Variants in MARCHF11 observed in about 807,000 individuals in gnomAD.
MARCHF11 encodes membrane associated ring-CH-type finger 11, also known as E3 ubiquitin-protein ligase MARCHF11.
A neutral mutation model predicts 37.3 loss-of-function variants in MARCHF11; 29 were observed. The observed-to-expected ratio is 0.78, with a 90% CI of 0.58 to 1.06. The LOEUF (loss-of-function observed/expected upper bound fraction) is 1.06, where lower values mean the gene tolerates loss of function less well. Among genes scored for constraint, MARCHF11 ranks in the 50% least tolerant of loss-of-function variants. The probability of loss-of-function intolerance (pLI) is 0.00; values close to 1 mark genes in which losing one functional copy is unlikely to be tolerated. For missense variants in MARCHF11, 482 were observed against 533.4 expected, an observed-to-expected ratio of 0.90 and a Z score of 0.95; for synonymous variants, 233 against 228.0, an observed-to-expected ratio of 1.02 and a Z score of -0.20.
intron 2 of MARCHF11, among the ~76,000 whole-genome samples, chr5:16,110,997 G>C (rs542931679): frequency 6.6e-6 from 1 of 152,112 alleles, no homozygotes; most frequent in South Asian, 2.1e-4. Flanking sequence ...CTTTCACTTG[G>C]TTCTCATTCT....
At chr5:16,140,181 GC>G (rs1221298163) in intron 2 of MARCHF11, among the ~76,000 whole-genome samples, 7 of 151,952 alleles carry the variant, frequency 4.6e-5, no homozygotes, top group African/African-American at 1.7e-4. Flanking sequence ...AAAATTCACA[GC>G]CTAAACTACT....
At chr5:16,073,907 A>C (rs1736475442) in intron 3 of MARCHF11, among the ~76,000 whole-genome samples, 1 of 152,202 alleles carries the variant, frequency 6.6e-6, no homozygotes, top group Non-Finnish European at 1.5e-5. Flanking sequence ...GACTTAATAG[A>C]TATTTCCAGA....
In MARCHF11 at chr5:16,179,454, G is replaced by T. The variant is rs1399614173; in HGVS notation, c.122C>A (p.Pro41Gln). 5 of 1,117,898 alleles carry T rather than the reference G, an allele frequency of 4.5e-6. No individual in the cohort carries two copies. In the East Asian group the frequency reaches 2.5e-4, roughly 56 times the overall value. The allele number at this position is 1,117,898 out of a possible 1,614,324, so 69.2% of individuals were successfully genotyped here. ...CAGGTAGCGCGGGGCCGCGGGGACC[G>T]GGGCCGGCTCTCCCGGCGGCGGCGT... ...PPTPPPGEPA[P>Q]VPAAPRYLPP... The change falls in exon 1 of 4, where the codon CCG becomes CAG. Residue 41 changes from proline (P) to glutamine (Q), a missense_variant. By Grantham distance (76) the Pro-to-Gln change is moderately conservative. Coordinates refer to ENST00000332432, the MANE Select transcript of MARCHF11 (RefSeq NM_001102562.3).
At chr5:16,125,313 T>C (rs1024453642) in intron 2 of MARCHF11, among the ~76,000 whole-genome samples, 2 of 141,994 alleles carry the variant, frequency 1.4e-5, no homozygotes, top group African/African-American at 2.5e-5. Flanking sequence ...AAAGCTGCTG[T>C]GGTATGAATT....
rs530002841 is a variant in MARCHF11, at chr5:16,117,715, C to A, written c.694-26634G>T. On this transcript the variant is annotated intron_variant, in intron 2 of 3. Transcript: ENST00000332432. ...ACAAGCCTGGGCAACATAGCAAGAC[C>A]CAATCTCAAAAAAAGGCAAAAACAA... 4.6e-5 allele frequency among the ~76,000 whole-genome samples: 7 copies of A among 152,124 alleles called. No individual in the cohort carries two copies. The East Asian group carries it at 1.4e-3, about 29-fold the overall frequency.
intron 3 of MARCHF11, among the ~76,000 whole-genome samples, chr5:16,069,626 G>A (rs1309103227): frequency 1.3e-5 from 2 of 152,022 alleles, no homozygotes; most frequent in African/African-American, 2.4e-5. Flanking sequence ...AGTAAGGATA[G>A]GATAGAGAAA....
At position 16,179,096 on chromosome 5, in the gene MARCHF11, C is replaced by T. The variant is rs1738418267; in HGVS notation, c.480G>A (p.Gly160=). The change falls in exon 1 of 4, where the codon GGG becomes GGA. Residue 160 remains glycine, a synonymous_variant. Transcript: ENST00000332432. ...TGGGCTGGTGGTGCTGGTGCTGGTG[C>T]CCAGCGCGCTGGTCGCCGCCGCCAC... ...SSSGGGDQRA[G]HQHQHHQPIC... 8 of 1,494,880 alleles carry T rather than the reference C, an allele frequency of 5.4e-6. No individual in the cohort carries two copies. Among genetic ancestry groups the T allele is most frequent in the South Asian group, 1.2e-5 (1 of 81,432 alleles). The allele number at this position is 1,494,880 out of a possible 1,614,324, so 92.6% of individuals were successfully genotyped here. A position where few individuals can be genotyped will look rare whatever the true frequency, so the allele number is the denominator to read the frequency against.
chr5:16,076,565 C>T lies in MARCHF11; in HGVS notation c.887-8772G>A, dbSNP rs1477962701. On this transcript the variant is annotated intron_variant, in intron 3 of 3. Transcript: ENST00000332432. The stretch of plus-strand genomic sequence containing the variant: ...CTCAATTCTTGGACAGATGAAACAC[C>T]TTGCAGCAAAGGGGGAGCATCATAT... Among the ~76,000 whole-genome samples the T allele has an allele frequency of 4.6e-5, 7 of 152,216 alleles. No individual in the cohort carries two copies. In the East Asian group the frequency reaches 1.2e-3, roughly 25 times the overall value.
intron 3 of MARCHF11, among the ~76,000 whole-genome samples, chr5:16,076,364 A>G (rs959634780): frequency 6.6e-6 from 1 of 152,190 alleles, no homozygotes; most frequent in East Asian, 1.9e-4. Flanking sequence ...TTTCTTCCCT[A>G]CAGTGCTCAA....
chr5:16,090,824 A>C lies in MARCHF11; in HGVS notation c.886+65T>G. 4.7e-6 allele frequency: 6 copies of C among 1,280,194 alleles called. No homozygotes were observed. In the South Asian group the frequency reaches 1.3e-4, roughly 27 times the overall value. 79.3% of individuals were successfully genotyped at this position (1,280,194 alleles called of 1,614,324 possible). On this transcript the variant is annotated intron_variant, in intron 3 of 3. Coordinates refer to ENST00000332432, the MANE Select transcript of MARCHF11 (RefSeq NM_001102562.3). ...CATTCTCTATTAGATCCGAATGGTG[A>C]AAACGTAATCGCTGAAAGAAATGGA...
At position 16,117,661 on chromosome 5, in the gene MARCHF11, G is replaced by A. The variant is rs562502796; in HGVS notation, c.694-26580C>T. Among the ~76,000 whole-genome samples the A allele has an allele frequency of 8.5e-5, 13 of 152,290 alleles. No homozygotes were observed. In the East Asian group the frequency reaches 2.5e-3, roughly 29 times the overall value. The stretch of plus-strand genomic sequence containing the variant: ...CCCAGCTACGCAGGAGGCCAAGGTG[G>A]GAGGATGGCTTGAGCCCAGGAGATT... On this transcript the variant is annotated intron_variant, in intron 2 of 3. Coordinates refer to ENST00000332432, the MANE Select transcript of MARCHF11 (RefSeq NM_001102562.3).
chr5:16,070,880 C>A (rs1736424650), intron 3 of MARCHF11, among the ~76,000 whole-genome samples: 1 of 152,202 alleles, frequency 6.6e-6, no homozygotes, highest in South Asian at 2.1e-4. Flanking sequence ...CCTCTGCAAG[C>A]TCAGATTTTA....
chr5:16,089,673 T>C (rs1736760230), intron 3 of MARCHF11, among the ~76,000 whole-genome samples: 1 of 151,984 alleles, frequency 6.6e-6, no homozygotes, highest in Non-Finnish European at 1.5e-5. Flanking sequence ...AATGACTGAA[T>C]ATATTAAAAT....
At chr5:16,159,888 A>G (rs1267552889) in intron 2 of MARCHF11, among the ~76,000 whole-genome samples, 1 of 151,974 alleles carries the variant, frequency 6.6e-6, no homozygotes, top group Non-Finnish European at 1.5e-5. Flanking sequence ...TGCCATTAGT[A>G]AAATAATCCT....
intron 2 of MARCHF11, among the ~76,000 whole-genome samples, chr5:16,159,387 A>G (rs1738035499): frequency 1.3e-5 from 2 of 151,894 alleles, no homozygotes; most frequent in African/African-American, 4.8e-5. Flanking sequence ...TTCTTGGTGT[A>G]TGAGTTAGAT....
At chr5:16,127,855 C>T (rs932217840) in intron 2 of MARCHF11, among the ~76,000 whole-genome samples, 2 of 152,128 alleles carry the variant, frequency 1.3e-5, no homozygotes, top group African/African-American at 4.8e-5. Flanking sequence ...TCTGGTTGAA[C>T]GGGGTCAATG....
Position 16,179,507 on chromosome 5 carries a change from G to A in MARCHF11, c.69C>T (p.Pro23=), listed in dbSNP as rs926098173. 1.7e-6 allele frequency: 2 copies of A among 1,171,792 alleles called. No individual in the cohort carries two copies. Among genetic ancestry groups the A allele is most frequent in the South Asian group, 4.2e-5 (1 of 23,876 alleles). 72.6% of individuals were successfully genotyped at this position (1,171,792 alleles called of 1,614,324 possible). A position where few individuals can be genotyped will look rare whatever the true frequency, so the allele number is the denominator to read the frequency against. ...RGAESGDAEP[P]PQPPPPPPPT... ...GCGGCGGCGGCGGGGGAGGTTGCGGGGGAGGCTCGGCGTCCCCGCTCTCCG... is the reference window on the plus strand; with the variant it reads ...GCGGCGGCGGCGGGGGAGGTTGCGGAGGAGGCTCGGCGTCCCCGCTCTCCG... Residue 23 remains proline, a synonymous_variant, in exon 1 of 4, where the codon CCC becomes CCT. Transcript: ENST00000332432.
In MARCHF11 at chr5:16,117,843, A is replaced by AAGAC. The variant is rs752834291; in HGVS notation, c.694-26766_694-26763dup. Among the ~76,000 whole-genome samples the AAGAC allele has an allele frequency of 3.3e-5, 5 of 152,356 alleles. 1 individual carries two copies. Among genetic ancestry groups the AAGAC allele is most frequent in the East Asian group, 1.9e-4 (1 of 5,188 alleles). On this transcript the variant is annotated intron_variant, in intron 2 of 3. Transcript: ENST00000332432. Reference sequence around the variant, plus strand: ...TTTATGCTGCTCAGACACTGCTGAAAAGACAGACAAGTTCCTGTTCATGTG... The same window carrying AAGAC: ...TTTATGCTGCTCAGACACTGCTGAAAAGACAGACAGACAAGTTCCTGTTCATGTG...
intron 3 of MARCHF11, among the ~76,000 whole-genome samples, chr5:16,069,629 T>A (rs1453971525): frequency 6.6e-6 from 1 of 152,014 alleles, no homozygotes; most frequent in Non-Finnish European, 1.5e-5. Flanking sequence ...AAGGATAGGA[T>A]AGAGAAATAA....
Sources: allele counts gnomAD v4.1 joint callset (sites outside exome capture counted in the v4.1 genomes callset), GRCh38; gene constraint gnomAD v4.1.1; transcripts MANE v1.5; gene names NCBI Gene and HGNC (gene_info 2026-07-23, HGNC 2026-07-21).